The following LRIG2 variants were observed in gnomAD, a reference collection of about 807,000 sequenced individuals.
LRIG2 encodes leucine rich repeats and immunoglobulin like domains 2, also known as leucine-rich repeats and immunoglobulin-like domains protein 2.
Under a neutral mutation model 107.8 loss-of-function variants are expected in LRIG2, and 93 were observed. That is an observed-to-expected ratio of 0.86 (90% CI 0.73 to 1.03). LRIG2 has a LOEUF of 1.03. Among genes scored for constraint, LRIG2 ranks in the 50% least tolerant of loss-of-function variants. The probability of loss-of-function intolerance (pLI) is 0.00; values close to 1 mark genes in which losing one functional copy is unlikely to be tolerated. For synonymous variants in LRIG2, 471 were observed against 470.6 expected (o/e 1.00, Z -0.01); for missense variants, 1,226 against 1,296.0 (o/e 0.95, Z 0.83).
chr1:113,128,566 G>A lies in LRIG2; in HGVS notation c.*4465G>A, dbSNP rs1235019372. On this transcript the variant is annotated 3_prime_UTR_variant, in exon 18 of 18. Transcript: ENST00000361127. ...GATTATGCTACTTTAATAAAAAGCTGCTTTGGTGACATTTGTTCGAGTAGA... is the reference window on the plus strand; with the variant it reads ...GATTATGCTACTTTAATAAAAAGCTACTTTGGTGACATTTGTTCGAGTAGA... 6.6e-6 allele frequency: 1 copy of A among 152,192 alleles called. No homozygotes were observed. Among genetic ancestry groups the A allele is most frequent in the Admixed American group, 6.5e-5 (1 of 15,282 alleles). 9.4% of individuals were successfully genotyped at this position (152,192 alleles called of 1,614,324 possible).
chr1:113,102,166 A>C (rs889179208), intron 11 of LRIG2, among the ~76,000 whole-genome samples: 3 of 152,254 alleles, frequency 2.0e-5, no homozygotes, highest in Admixed American at 1.3e-4. Flanking sequence ...AAATGAGTTT[A>C]GAGAGTTAAG....
In LRIG2 at chr1:113,078,696, A is replaced by G. The variant is rs1345967340; in HGVS notation, c.239+5051A>G. Among the ~76,000 whole-genome samples the G allele has an allele frequency of 2.0e-5, 3 of 149,276 alleles. No individual in the cohort carries two copies. The Admixed American group carries it at 2.0e-4, about 10-fold the overall frequency. The stretch of plus-strand genomic sequence containing the variant: ...ATTCTTGTTGCTTAGGCTGGAGTGC[A>G]ATGGTCCAGTCTCAGCTCACTGCAA... On this transcript the variant is annotated intron_variant, in intron 1 of 17. Transcript: ENST00000361127.
At chr1:113,105,341 A>C (rs919121482) in intron 11 of LRIG2, among the ~76,000 whole-genome samples, 2 of 152,114 alleles carry the variant, frequency 1.3e-5, no homozygotes, top group African/African-American at 4.8e-5. Flanking sequence ...ATTATACTAA[A>C]ATATTGCTAG....
intron 6 of LRIG2, 31 bp from the exon 7 acceptor site, chr1:113,095,843 C>A (rs542845616): frequency 2.5e-6 from 4 of 1,612,936 alleles, no homozygotes; most frequent in Non-Finnish European, 3.4e-6. Context: ...TGTTTTGGAA[C>A]GTATTTTCTT....
intron 12 of LRIG2, among the ~76,000 whole-genome samples, chr1:113,108,432 C>T (rs1464782242): frequency 1.3e-5 from 2 of 151,552 alleles, no homozygotes; most frequent in Admixed American, 1.3e-4. Flanking sequence ...CCATGTTGGC[C>T]AGGCTGGTCT....
At chr1:113,114,185 C>A (rs1478855766) in intron 14 of LRIG2, among the ~76,000 whole-genome samples, 1 of 151,886 alleles carries the variant, frequency 6.6e-6, no homozygotes, top group African/African-American at 2.4e-5. Flanking sequence ...CCGCTGCTCA[C>A]CCCCTCCAGC....
rs1383214098 is a variant in LRIG2 at position 113,129,923 on chromosome 1, C to T, written c.*5822C>T. On this transcript the variant is annotated 3_prime_UTR_variant, in exon 18 of 18. Coordinates refer to ENST00000361127, the MANE Select transcript of LRIG2 (RefSeq NM_014813.3). ...CTTTTTTTTTTGAGACAGGGTTTCACCCTGTCAGCCAGGCTGGAGTGCAAT... is the reference window on the plus strand; with the variant it reads ...CTTTTTTTTTTGAGACAGGGTTTCATCCTGTCAGCCAGGCTGGAGTGCAAT... 2 of 152,110 alleles carry T rather than the reference C, an allele frequency of 1.3e-5. No individual in the cohort carries two copies. Among genetic ancestry groups the T allele is most frequent in the African/African-American group, 2.4e-5 (1 of 41,424 alleles). 9.4% of individuals were successfully genotyped at this position (152,110 alleles called of 1,614,324 possible).
At chr1:113,076,119 C>G (rs141949199) in intron 1 of LRIG2, among the ~76,000 whole-genome samples, 4,368 of 152,054 alleles carry the variant, frequency 0.029, 207 homozygotes, top group African/African-American at 0.1. Flanking sequence ...GATTCTCCTG[C>G]CTCAGACTCC....
rs369990515 is a variant in LRIG2, at chr1:113,116,455, A to G, written c.2680+19A>G. 1.3e-6 allele frequency: 2 copies of G among 1,574,028 alleles called. No homozygotes were observed. The highest frequency in any genetic ancestry group is 1.4e-5 in the African/African-American group (1 of 73,888). Reference sequence around the variant, plus strand: ...ACTGACGGTAATGACTCTGTTGTTTATGGTTACAATTTCAGCCTATTCTAT... The same window carrying G: ...ACTGACGGTAATGACTCTGTTGTTTGTGGTTACAATTTCAGCCTATTCTAT... On this transcript the variant is annotated intron_variant, in intron 16 of 17. Transcript: ENST00000361127.
At chr1:113,078,004 C>G (rs1182047761) in intron 1 of LRIG2, among the ~76,000 whole-genome samples, 1 of 150,688 alleles carries the variant, frequency 6.6e-6, no homozygotes, top group East Asian at 2.0e-4. Flanking sequence ...TTTGTCCTTG[C>G]AATAGTTTGC....
At chr1:113,098,498 AGTTCTTACGT>A (rs1389826617) in intron 8 of LRIG2, among the ~76,000 whole-genome samples, 197 bp from the exon 9 acceptor site, 1 of 152,142 alleles carries the variant, frequency 6.6e-6, no homozygotes, top group Admixed American at 6.5e-5. Context: ...TATAAGAATC[AGTTCTTACGT>A]GTTTATTACA....
intron 1 of LRIG2, among the ~76,000 whole-genome samples, chr1:113,076,212 GC>G (rs1336744281): frequency 6.6e-6 from 1 of 151,898 alleles, no homozygotes; most frequent in African/African-American, 2.4e-5. Context: ...CACCATGTTG[GC>G]CAGGCTGGTC....
chr1:113,109,664 G>A (rs904884804), intron 12 of LRIG2, among the ~76,000 whole-genome samples: 39 of 152,116 alleles, frequency 2.6e-4, no homozygotes, highest in Middle Eastern at 6.8e-3. Flanking sequence ...GATTACAGGC[G>A]GCCGCCACCT....
rs1655482144 is a variant in LRIG2 at position 113,126,241 on chromosome 1, C to T, written c.*2140C>T. 1 of 152,224 alleles carries T rather than the reference C, an allele frequency of 6.6e-6. No individual in the cohort carries two copies. Among genetic ancestry groups the T allele is most frequent in the Admixed American group, 6.5e-5 (1 of 15,270 alleles). 9.4% of individuals were successfully genotyped at this position (152,224 alleles called of 1,614,324 possible). ...AATCTCTGTCTCATTTACCAGGGGTCATTCAAAAGTCTGAGATGTATATTA... is the reference window on the plus strand; with the variant it reads ...AATCTCTGTCTCATTTACCAGGGGTTATTCAAAAGTCTGAGATGTATATTA... On this transcript the variant is annotated 3_prime_UTR_variant, in exon 18 of 18. Transcript: ENST00000361127.
At chr1:113,104,374 A>G (rs1255313138) in intron 11 of LRIG2, among the ~76,000 whole-genome samples, 1 of 152,182 alleles carries the variant, frequency 6.6e-6, no homozygotes, top group Non-Finnish European at 1.5e-5. Context: ...GACTCCCAAA[A>G]GTAATGACTT....
chr1:113,112,854 C>G (rs530540329), intron 14 of LRIG2, 94 bp downstream of exon 14: 1 of 1,167,700 alleles, frequency 8.6e-7, no homozygotes, highest in Non-Finnish European at 1.2e-6. Context: ...TTGAGATTAC[C>G]TCTGTGATTC....
In LRIG2 at chr1:113,091,403, T is replaced by A; in HGVS notation, c.305+20T>A. ...GGAAGTGTAAGTTATTTTTATTTAT[T>A]TAAAGTTATGTTAAATTCCTGAGGG... On this transcript the variant is annotated intron_variant, in intron 2 of 17. Coordinates refer to ENST00000361127, the MANE Select transcript of LRIG2 (RefSeq NM_014813.3). The A allele has an allele frequency of 1.3e-6, 2 of 1,503,016 alleles. No individual in the cohort carries two copies. The highest frequency in any genetic ancestry group is 1.8e-6 in the Non-Finnish European group (2 of 1,093,812). The allele number at this position is 1,503,016 out of a possible 1,614,324, so 93.1% of individuals were successfully genotyped here. A position where few individuals can be genotyped will look rare whatever the true frequency, so the allele number is the denominator to read the frequency against.
intron 1 of LRIG2, among the ~76,000 whole-genome samples, chr1:113,084,461 C>T (rs1263971708): frequency 6.6e-6 from 1 of 151,952 alleles, no homozygotes; most frequent in Admixed American, 6.6e-5. Flanking sequence ...GTGATCCGCC[C>T]GCCTCGGCCT....
At chr1:113,119,169 C>G in intron 16 of LRIG2, 64 bp from the exon 17 acceptor site, 1 of 1,500,948 alleles carries the variant, frequency 6.7e-7, no homozygotes, top group Non-Finnish European at 9.1e-7. Flanking sequence ...TTGAAGAAAA[C>G]TGACGATTGG....
Sources: allele counts gnomAD v4.1 joint callset (sites outside exome capture counted in the v4.1 genomes callset), GRCh38; gene constraint gnomAD v4.1.1; transcripts MANE v1.5; gene names NCBI Gene and HGNC (gene_info 2026-07-23, HGNC 2026-07-21).